Variants in TENT2 observed in about 807,000 individuals in gnomAD.
The protein encoded by TENT2 is terminal nucleotidyltransferase 2.
TENT2 carries 44 observed loss-of-function variants against 72.2 expected under a neutral mutation model. The ratio of observed to expected loss-of-function variants is 0.61; its 90% CI spans 0.48 to 0.78. The LOEUF (loss-of-function observed/expected upper bound fraction) is 0.78, where lower values mean the gene tolerates loss of function less well. Ranked by LOEUF, TENT2 falls within the 30% of genes least tolerant of loss-of-function variation. TENT2 has a pLI of 0.00. For missense variants in TENT2, 541 were observed against 569.6 expected (o/e 0.95, Z 0.51); for synonymous variants, 212 against 192.5 (o/e 1.10, Z -0.84).
rs1252687262 is a variant in TENT2, at chr5:79,623,259, AGCG to A, written c.236_238del (p.Ser79_Asp80delinsAsn). The stretch of plus-strand genomic sequence containing the variant: ...TATATTGCTTGTTTTCAGGAGATTA[AGCG>A]ATGAAAAAAACCTTCCTCTTGACGG... On this transcript the variant is annotated inframe_deletion, in exon 4 of 15. Transcript: ENST00000453514. 1 of 1,611,176 alleles carries A rather than the reference AGCG, an allele frequency of 6.2e-7. No individual in the cohort carries two copies. The highest frequency in any genetic ancestry group is 1.3e-5 in the African/African-American group (1 of 74,764).
At chr5:79,618,027 A>G (rs1240251110) in intron 1 of TENT2, among the ~76,000 whole-genome samples, 2 of 151,292 alleles carry the variant, frequency 1.3e-5, no homozygotes, top group African/African-American at 4.9e-5. Flanking sequence ...AATGTCCTGT[A>G]TTTTTTCTGT....
chr5:79,646,461 A>G (rs1156418920), intron 8 of TENT2, among the ~76,000 whole-genome samples: 1 of 152,192 alleles, frequency 6.6e-6, no homozygotes, highest in Non-Finnish European at 1.5e-5. Context: ...CAGCAACTTT[A>G]TAGAACGTAG....
intron 11 of TENT2, among the ~76,000 whole-genome samples, chr5:79,657,970 T>G (rs1284647106): frequency 2.0e-5 from 3 of 152,228 alleles, no homozygotes; most frequent in African/African-American, 7.2e-5. Flanking sequence ...ACATGGAACA[T>G]CAGTTAAATA....
intron 10 of TENT2, 91 bp from the exon 11 acceptor site, chr5:79,656,867 T>C (rs1001262198): frequency 2.4e-6 from 2 of 829,094 alleles, no homozygotes; most frequent in African/African-American, 1.7e-5. Context: ...TAAACCCTTA[T>C]GGTCTTATAC....
intron 12 of TENT2, among the ~76,000 whole-genome samples, chr5:79,677,512 C>G (rs1818159359): frequency 6.6e-6 from 1 of 152,076 alleles, no homozygotes; most frequent in Admixed American, 6.6e-5. Flanking sequence ...TTCAATATTC[C>G]AAACTCTTCT....
intron 4 of TENT2, among the ~76,000 whole-genome samples, chr5:79,625,846 T>G (rs80247700): frequency 1.3e-5 from 2 of 151,840 alleles, no homozygotes; most frequent in Non-Finnish European, 2.9e-5. Context: ...TTTTTTTTTT[T>G]TGATATAGAG....
At chr5:79,638,410 G>T (rs1781894949) in intron 4 of TENT2, among the ~76,000 whole-genome samples, 1 of 152,132 alleles carries the variant, frequency 6.6e-6, no homozygotes, top group African/African-American at 2.4e-5. Context: ...TGATGGCTCT[G>T]TACTGTGCAG....
In TENT2 at chr5:79,674,966, C is replaced by G. The variant is rs150340281; in HGVS notation, c.1209-4613C>G. On this transcript the variant is annotated intron_variant, in intron 12 of 14. Coordinates refer to ENST00000453514, the MANE Select transcript of TENT2 (RefSeq NM_001114394.3). Reference sequence around the variant, plus strand: ...GAAGCTATATGGACTCCTCTGGACCCTTGACAGGAACAGTTTCTGTGGAAT... The same window carrying G: ...GAAGCTATATGGACTCCTCTGGACCGTTGACAGGAACAGTTTCTGTGGAAT... Among the ~76,000 whole-genome samples the G allele has an allele frequency of 4.9e-3, 752 of 152,150 alleles. 4 individuals are homozygous for G. Among genetic ancestry groups the G allele is most frequent in the South Asian group, 0.011 (55 of 4,810 alleles).
chr5:79,650,734 G>T (rs1355352103), intron 10 of TENT2, among the ~76,000 whole-genome samples: 1 of 152,022 alleles, frequency 6.6e-6, no homozygotes, highest in African/African-American at 2.4e-5. Context: ...AAATGGTTAG[G>T]GTTGGGGATT....
At chr5:79,618,900 TG>T (rs995330161) in intron 1 of TENT2, among the ~76,000 whole-genome samples, 20 of 152,318 alleles carry the variant, frequency 1.3e-4, no homozygotes, top group African/African-American at 4.8e-4. Context: ...TTTGAGAAAG[TG>T]GGCTGAGGGG....
intron 13 of TENT2, among the ~76,000 whole-genome samples, chr5:79,680,229 T>C (rs1211255470): frequency 1.3e-5 from 2 of 152,198 alleles, no homozygotes; most frequent in African/African-American, 4.8e-5. Context: ...GGTTAAAAAG[T>C]ATAAATAGTT....
At chr5:79,672,878 T>C (rs1456721611) in intron 12 of TENT2, among the ~76,000 whole-genome samples, 3 of 152,198 alleles carry the variant, frequency 2.0e-5, no homozygotes, top group Non-Finnish European at 4.4e-5. Context: ...TGGGGAAACC[T>C]CCAAACTGTT....
At chr5:79,634,371 C>T (rs1778353457) in intron 4 of TENT2, among the ~76,000 whole-genome samples, 1 of 151,940 alleles carries the variant, frequency 6.6e-6, no homozygotes, top group Non-Finnish European at 1.5e-5. Flanking sequence ...GAGTCTTGCT[C>T]TGTTGCCCAG....
intron 11 of TENT2, among the ~76,000 whole-genome samples, chr5:79,668,072 T>C (rs996623408): frequency 6.6e-6 from 1 of 152,108 alleles, no homozygotes; most frequent in African/African-American, 2.4e-5. Context: ...CTTAATAATT[T>C]TGATAGTACA....
At position 79,670,698 on chromosome 5, in the gene TENT2, G is replaced by A. The variant is rs1397811427; in HGVS notation, c.1208+1670G>A. Among the ~76,000 whole-genome samples the A allele has an allele frequency of 2.0e-5, 3 of 151,018 alleles. No homozygotes were observed. In the East Asian group the frequency reaches 5.8e-4, roughly 29 times the overall value. ...ACATAGTACATAAATAGACTGTGAAGGTTTAATGGTTATTCTAGAGTTCTC... is the reference window on the plus strand; with the variant it reads ...ACATAGTACATAAATAGACTGTGAAAGTTTAATGGTTATTCTAGAGTTCTC... On this transcript the variant is annotated intron_variant, in intron 12 of 14. Transcript: ENST00000453514.
chr5:79,672,102 CAAA>C (rs35764855), intron 12 of TENT2, among the ~76,000 whole-genome samples: 11 of 143,378 alleles, frequency 7.7e-5, no homozygotes, highest in Non-Finnish European at 1.7e-4. Flanking sequence ...GACCCTGTCT[CAAA>C]AAAAAAAACA....
intron 12 of TENT2, among the ~76,000 whole-genome samples, chr5:79,674,014 CAGAG>C (rs908663471): frequency 2.0e-5 from 3 of 152,174 alleles, no homozygotes; most frequent in South Asian, 2.1e-4. Flanking sequence ...ACACAATAAA[CAGAG>C]AGACAGACAA....
chr5:79,660,866 G>A (rs916029663), intron 11 of TENT2, among the ~76,000 whole-genome samples: 1 of 152,116 alleles, frequency 6.6e-6, no homozygotes, highest in African/African-American at 2.4e-5. Context: ...GCATGATATT[G>A]TCCCCAAAGA....
intron 1 of TENT2, among the ~76,000 whole-genome samples, chr5:79,617,123 A>G (rs1038195306): frequency 6.6e-6 from 1 of 151,406 alleles, no homozygotes; most frequent in Non-Finnish European, 1.5e-5. Flanking sequence ...TGTTGTTTAA[A>G]AAAAAAAAGA....
Sources: gnomAD v4.1 joint callset for allele counts (sites outside exome capture counted in the v4.1 genomes callset) on GRCh38, gnomAD v4.1.1 for gene constraint, MANE v1.5 for transcripts, NCBI Gene and HGNC (gene_info 2026-07-23, HGNC 2026-07-21) for gene names.